MRC1: variants seen among roughly 807,000 people sequenced by gnomAD.
MRC1 encodes the protein mannose receptor C-type 1.
Under a neutral mutation model 102.9 loss-of-function variants are expected in MRC1, and 62 were observed. The observed-to-expected ratio is 0.60, with a 90% CI of 0.49 to 0.74. The LOEUF (loss-of-function observed/expected upper bound fraction) is 0.74. MRC1 is among the 30% of genes least tolerant of loss of function. The probability of loss-of-function intolerance (pLI) is 0.00; values close to 1 mark genes in which losing one functional copy is unlikely to be tolerated. For missense variants in MRC1, 1,237 were observed against 862.8 expected, an observed-to-expected ratio of 1.43 and a Z score of -5.43; for synonymous variants, 457 against 298.4, an observed-to-expected ratio of 1.53 and a Z score of -5.48.
At chr10:17,830,464 G>A (rs1838553538) in intron 3 of MRC1, among the ~76,000 whole-genome samples, 2 of 151,396 alleles carry the variant, frequency 1.3e-5, no homozygotes, top group South Asian at 4.1e-4. Flanking sequence ...CTTAAAAGTG[G>A]CAGGTTTTAT....
At chr10:17,828,034 A>G (rs1838507763) in intron 3 of MRC1, among the ~76,000 whole-genome samples, 1 of 152,078 alleles carries the variant, frequency 6.6e-6, no homozygotes, top group South Asian at 2.1e-4. Flanking sequence ...ACTAGACTGT[A>G]CCCCCATGGT....
At chr10:17,828,221 C>A (rs898513663) in intron 3 of MRC1, among the ~76,000 whole-genome samples, 8 of 152,086 alleles carry the variant, frequency 5.3e-5, no homozygotes, top group Non-Finnish European at 1.2e-4. Context: ...GGACTACAGG[C>A]GCCCGCCACC....
At chr10:17,878,197 T>G (rs1833463188) in intron 18 of MRC1, among the ~76,000 whole-genome samples, 1 of 152,226 alleles carries the variant, frequency 6.6e-6, no homozygotes, top group African/African-American at 2.4e-5. Flanking sequence ...AAAACTACAC[T>G]TTTCTTTGTT....
Position 17,833,746 on chromosome 10 carries a change from G to A in MRC1, c.709G>A (p.Ala237Thr), listed in dbSNP as rs782764928. 6.4e-6 allele frequency: 5 copies of A among 780,906 alleles called. No homozygotes were observed. Among genetic ancestry groups the A allele is most frequent in the Admixed American group, 3.4e-5 (2 of 59,004 alleles). 48.4% of individuals were successfully genotyped at this position (780,906 alleles called of 1,614,324 possible). ...TTCCTACCAGATAAACTCCAAATCC[G>A]CTTTAACGTGGCACCAGGCGAGGAA... ...SVSYQINSKS[A>T]LTWHQARKSC... The change falls in exon 4 of 30, where the codon GCT becomes ACT. Residue 237 changes from alanine (A) to threonine (T), a missense_variant. Coordinates refer to ENST00000569591, the MANE Select transcript of MRC1 (RefSeq NM_002438.4).
At chr10:17,883,670 T>C (rs898090947) in intron 21 of MRC1, among the ~76,000 whole-genome samples, 1 of 152,256 alleles carries the variant, frequency 6.6e-6, no homozygotes, top group African/African-American at 2.4e-5. Context: ...CCCTGGATGC[T>C]TAGTCATTCT....
Position 17,823,135 on chromosome 10 carries a change from C to A in MRC1, c.123C>A (p.Pro41=), listed in dbSNP as rs1464731434. 2.6e-6 allele frequency: 2 copies of A among 780,732 alleles called. No homozygotes were observed. The highest frequency in any genetic ancestry group is 4.8e-6 in the Non-Finnish European group (2 of 417,962). The allele number at this position is 780,732 out of a possible 1,614,324, so 48.4% of individuals were successfully genotyped here. ...AGCGCTGCGTGGATGCAGTGAGTCCCAGTGCCGTCCAAACCGCAGCTTGCA... is the reference window on the plus strand; with the variant it reads ...AGCGCTGCGTGGATGCAGTGAGTCCAAGTGCCGTCCAAACCGCAGCTTGCA... ...DHKRCVDAVS[P]SAVQTAACNQ... is the part of the protein sequence containing the mutation. The change falls in exon 2 of 30, where the codon CCC becomes CCA. Residue 41 remains proline, a synonymous_variant. Transcript: ENST00000569591.
chr10:17,818,691 C>A (rs1297676321), intron 1 of MRC1, among the ~76,000 whole-genome samples: 1 of 152,078 alleles, frequency 6.6e-6, no homozygotes, highest in Non-Finnish European at 1.5e-5. Context: ...CACCTGTAAT[C>A]CCAGAGCTGA....
intron 5 of MRC1, among the ~76,000 whole-genome samples, chr10:17,843,160 A>G (rs1838775670): frequency 6.6e-6 from 1 of 152,246 alleles, no homozygotes; most frequent in Non-Finnish European, 1.5e-5. Context: ...GAGGTATTGT[A>G]TTGATAAATA....
At chr10:17,838,810 C>G (rs1157041702) in intron 4 of MRC1, among the ~76,000 whole-genome samples, 1 of 151,724 alleles carries the variant, frequency 6.6e-6, no homozygotes, top group South Asian at 2.1e-4. Flanking sequence ...CCCAACTGTA[C>G]AAAAAAAATT....
In MRC1 at chr10:17,866,605, G is replaced by A. The variant is rs1237985213; in HGVS notation, c.1827G>A (p.Gly609=). ...TTGCCATGAGAACCGGGATTGCAGG[G>A]GGCTTATGGGATGTTTTGAAATGTG... The part of the protein sequence containing the change: ...GCVAMRTGIA[G]GLWDVLKCDE... The change falls in exon 12 of 30, where the codon GGG becomes GGA. Residue 609 remains glycine (G), a synonymous_variant. Coordinates refer to ENST00000569591, the MANE Select transcript of MRC1 (RefSeq NM_002438.4). 7 of 780,816 alleles carry A rather than the reference G, an allele frequency of 9.0e-6. No individual in the cohort carries two copies. Among genetic ancestry groups the A allele is most frequent in the South Asian group, 1.3e-5 (1 of 74,604 alleles). 48.4% of individuals were successfully genotyped at this position (780,816 alleles called of 1,614,324 possible).
At chr10:17,866,898 T>G (rs1364714663) in intron 12 of MRC1, 137 bp downstream of exon 12, 1 of 717,834 alleles carries the variant, frequency 1.4e-6, no homozygotes, top group Non-Finnish European at 2.6e-6. Context: ...AATTCTGATT[T>G]GATTAACCCG....
intron 22 of MRC1, among the ~76,000 whole-genome samples, chr10:17,890,184 C>T (rs942284976): frequency 6.6e-6 from 1 of 152,082 alleles, no homozygotes; most frequent in Non-Finnish European, 1.5e-5. Flanking sequence ...AGAAATCCAA[C>T]GTAATTACTA....
intron 3 of MRC1, among the ~76,000 whole-genome samples, chr10:17,830,500 A>T (rs1838554358): frequency 1.3e-5 from 2 of 151,424 alleles, no homozygotes; most frequent in Non-Finnish European, 2.9e-5. Context: ...ACCAGTTATT[A>T]ACCTAGTAAC....
chr10:17,885,048 A>T (rs955737098), intron 21 of MRC1, among the ~76,000 whole-genome samples: 1 of 152,352 alleles, frequency 6.6e-6, no homozygotes, highest in Non-Finnish European at 1.5e-5. Flanking sequence ...TGGCCTAGAT[A>T]AAACCTAGAC....
chr10:17,817,865 C>T (rs1363907340), intron 1 of MRC1, among the ~76,000 whole-genome samples: 19 of 152,264 alleles, frequency 1.2e-4, no homozygotes, highest in East Asian at 3.9e-4. Context: ...GTCTTGAATA[C>T]GCCTTCAGAG....
At chr10:17,859,286 T>C (rs1833143432) in intron 9 of MRC1, among the ~76,000 whole-genome samples, 1 of 152,212 alleles carries the variant, frequency 6.6e-6, no homozygotes, top group African/African-American at 2.4e-5. Flanking sequence ...TGTTGACTCT[T>C]CCTTAAAATG....
intron 4 of MRC1, among the ~76,000 whole-genome samples, chr10:17,834,054 C>T (rs979008982): frequency 6.6e-6 from 1 of 152,162 alleles, no homozygotes; most frequent in Non-Finnish European, 1.5e-5. Context: ...TTAAGAGTCT[C>T]TAGAGCCAGT....
In MRC1 at chr10:17,890,706, T is replaced by C. The variant is rs533364131; in HGVS notation, c.3148-3504T>C. ...AAACTGTGTGTGTGTTTTTAAAAAA[T>C]CTTTTAGTGTGTCTTATATTTTTAT... On this transcript the variant is annotated intron_variant, in intron 22 of 29. Coordinates refer to ENST00000569591, the MANE Select transcript of MRC1 (RefSeq NM_002438.4). Among the ~76,000 whole-genome samples, 67 of 152,340 alleles carry C rather than the reference T, an allele frequency of 4.4e-4. 1 individual carries two copies. In the East Asian group the frequency reaches 8.3e-3, roughly 19 times the overall value.
In MRC1 at chr10:17,822,516, G is replaced by A. The variant is rs1343724585; in HGVS notation, c.62-558G>A. ...CAAGCCTGTAGTCCCAGCTACTTGG[G>A]AGGCTGAGGCAGGAAGATCACTTGA... On this transcript the variant is annotated intron_variant, in intron 1 of 29. Coordinates refer to ENST00000569591, the MANE Select transcript of MRC1 (RefSeq NM_002438.4). Among the ~76,000 whole-genome samples the A allele has an allele frequency of 3.4e-4, 52 of 152,172 alleles. 1 individual carries two copies. Among genetic ancestry groups the A allele is most frequent in the Non-Finnish European group, 1.5e-4 (10 of 68,024 alleles).
Sources: allele counts gnomAD v4.1 joint callset (sites outside exome capture counted in the v4.1 genomes callset), GRCh38; gene constraint gnomAD v4.1.1; transcripts MANE v1.5; gene names NCBI Gene and HGNC (gene_info 2026-07-23, HGNC 2026-07-21).